ASIC2: variants seen among roughly 807,000 people sequenced by gnomAD.
ASIC2 encodes the protein acid sensing ion channel subunit 2.
A neutral mutation model predicts 57.3 loss-of-function variants in ASIC2; 25 were observed. The ratio of observed to expected loss-of-function variants is 0.44; its 90% CI spans 0.32 to 0.61. ASIC2 has a LOEUF of 0.61. ASIC2 is among the 20% of genes least tolerant of loss of function. The pLI is 0.06. For synonymous variants in ASIC2, 319 were observed against 307.5 expected, an observed-to-expected ratio of 1.04 and a Z score of -0.39; for missense variants, 641 against 738.1, an observed-to-expected ratio of 0.87 and a Z score of 1.52.
At chr17:33,319,507 T>G (rs1906785398) in intron 1 of ASIC2, among the ~76,000 whole-genome samples, 2 of 152,228 alleles carry the variant, frequency 1.3e-5, no homozygotes, top group African/African-American at 4.8e-5. Flanking sequence ...GTTTTAATTT[T>G]TAATTTTTAT....
At chr17:33,233,282 C>T (rs561928355) in intron 1 of ASIC2, among the ~76,000 whole-genome samples, 8 of 151,480 alleles carry the variant, frequency 5.3e-5, no homozygotes, top group African/African-American at 1.9e-4. Flanking sequence ...TGTTGAGGCT[C>T]CACCTAAATC....
intron 1 of ASIC2, among the ~76,000 whole-genome samples, chr17:33,642,466 A>T (rs1906605010): frequency 6.6e-6 from 1 of 152,192 alleles, no homozygotes; most frequent in Non-Finnish European, 1.5e-5. Flanking sequence ...ACTGTTTGTG[A>T]TGTTCCACAG....
At chr17:33,559,661 T>C (rs1482990779) in intron 1 of ASIC2, among the ~76,000 whole-genome samples, 2 of 152,190 alleles carry the variant, frequency 1.3e-5, no homozygotes, top group East Asian at 3.9e-4. Context: ...ATGTATTTTC[T>C]ACTCTGCAGC....
At chr17:33,604,237 G>A (rs936458347) in intron 1 of ASIC2, among the ~76,000 whole-genome samples, 1 of 152,180 alleles carries the variant, frequency 6.6e-6, no homozygotes, top group African/African-American at 2.4e-5. Flanking sequence ...ATCCAGATTG[G>A]CCTGACTCCA....
At chr17:33,523,345 C>G (rs1464405022) in intron 1 of ASIC2, among the ~76,000 whole-genome samples, 2 of 152,178 alleles carry the variant, frequency 1.3e-5, no homozygotes, top group Non-Finnish European at 2.9e-5. Context: ...CAACCTCCTA[C>G]TCCCAGATTT....
intron 1 of ASIC2, among the ~76,000 whole-genome samples, chr17:33,398,848 G>C (rs1458850794): frequency 6.6e-6 from 1 of 152,204 alleles, no homozygotes; most frequent in African/African-American, 2.4e-5. Context: ...GGCAACTCAA[G>C]TCTTATTGTC....
intron 1 of ASIC2, among the ~76,000 whole-genome samples, chr17:34,009,254 G>A (rs987126404): frequency 2.0e-5 from 3 of 152,100 alleles, no homozygotes; most frequent in African/African-American, 7.2e-5. Flanking sequence ...CCTCAGCTCA[G>A]CATCATCTAA....
Position 34,055,535 on chromosome 17 carries a change from G to C in ASIC2, c.555+100443C>G, listed in dbSNP as rs1908734717. On this transcript the variant is annotated intron_variant, in intron 1 of 9. Transcript: ENST00000359872. ...TCATCTTCCCAGAAAGTTCCTTCTT[G>C]TTTCCTCTTAATCAATCCCTACCAA... Among the ~76,000 whole-genome samples, 7 of 152,018 alleles carry C rather than the reference G, an allele frequency of 4.6e-5. No individual in the cohort carries two copies. The South Asian group carries it at 1.5e-3, about 32-fold the overall frequency.
At chr17:33,536,824 T>C (rs2141965412) in intron 1 of ASIC2, among the ~76,000 whole-genome samples, 1 of 152,122 alleles carries the variant, frequency 6.6e-6, no homozygotes, top group South Asian at 2.1e-4. Flanking sequence ...CTGGGCAACA[T>C]GGTAAAACCC....
At chr17:33,591,981 A>G (rs566230458) in intron 1 of ASIC2, among the ~76,000 whole-genome samples, 5 of 152,258 alleles carry the variant, frequency 3.3e-5, no homozygotes, top group African/African-American at 1.2e-4. Context: ...CCTATACCTA[A>G]GAAGGAAAAA....
At chr17:33,594,277 T>TAGAG (rs1425411183) in intron 1 of ASIC2, among the ~76,000 whole-genome samples, 1 of 152,224 alleles carries the variant, frequency 6.6e-6, no homozygotes, top group Non-Finnish European at 1.5e-5. Flanking sequence ...TTCAGAGCTG[T>TAGAG]CTCTGGTTTG....
intron 1 of ASIC2, among the ~76,000 whole-genome samples, chr17:33,134,078 T>C (rs1434545684): frequency 1.3e-5 from 2 of 152,206 alleles, no homozygotes; most frequent in East Asian, 3.9e-4. Flanking sequence ...CTGAGGGTTA[T>C]GGAGAGGCCA....
At chr17:33,939,158 C>T (rs771263701) in intron 1 of ASIC2, among the ~76,000 whole-genome samples, 2 of 152,236 alleles carry the variant, frequency 1.3e-5, no homozygotes, top group Non-Finnish European at 2.9e-5. Flanking sequence ...TTCTCCATAG[C>T]TGTTGTCACA....
In ASIC2 at chr17:33,014,053, G is replaced by A; in HGVS notation, c.1604C>T (p.Thr535Ile). The A allele has an allele frequency of 6.3e-7, 1 of 1,599,554 alleles. No homozygotes were observed. Among genetic ancestry groups the A allele is most frequent in the Non-Finnish European group, 8.5e-7 (1 of 1,172,422 alleles). ...SHDENVSTCD[T>I]MPNHSETISH... The stretch of plus-strand genomic sequence containing the variant: ...GATGGTTTCAGAGTGGTTTGGCATT[G>A]TGTCACAAGTACTCTGGAAGGGAAG... The change falls in exon 10 of 10, where the codon ACA (threonine) becomes ATA (isoleucine). Residue 535 changes from threonine to isoleucine, a missense_variant. By Grantham distance (89) the Thr-to-Ile change is moderately conservative (BLOSUM62 -1). This residue lies in a region of ASIC2 where 252 missense variants were observed against 319.8 expected (regional missense o/e 0.79). Coordinates refer to ENST00000225823, the MANE Select transcript of ASIC2 (RefSeq NM_183377.2).
At chr17:33,167,085 C>T (rs1055136108) in intron 1 of ASIC2, among the ~76,000 whole-genome samples, 4 of 152,198 alleles carry the variant, frequency 2.6e-5, no homozygotes, top group African/African-American at 9.7e-5. Context: ...ACAGTAGGTA[C>T]ACACTGACTG....
chr17:34,131,540 C>G (rs1022279540), intron 1 of ASIC2, among the ~76,000 whole-genome samples: 2 of 152,198 alleles, frequency 1.3e-5, no homozygotes, highest in Non-Finnish European at 1.5e-5. Flanking sequence ...CCTCCAGGAC[C>G]TGAGCAAAGC....
intron 1 of ASIC2, among the ~76,000 whole-genome samples, chr17:33,333,913 C>T (rs886238094): frequency 1.2e-4 from 19 of 152,210 alleles, no homozygotes; most frequent in African/African-American, 4.1e-4. Flanking sequence ...TGGACTGGGG[C>T]TGCTCCTTAA....
intron 1 of ASIC2, among the ~76,000 whole-genome samples, chr17:33,942,121 G>T (rs1045879430): frequency 3.3e-5 from 5 of 152,154 alleles, no homozygotes; most frequent in African/African-American, 9.7e-5. Flanking sequence ...ACAGATGAGA[G>T]GTCGCCAGTT....
At chr17:33,374,645 A>G (rs530869209) in intron 1 of ASIC2, among the ~76,000 whole-genome samples, 28 of 152,346 alleles carry the variant, frequency 1.8e-4, no homozygotes, top group African/African-American at 6.5e-4. Context: ...AGTGGCAGGA[A>G]GAACCCAACA....
Sources: gnomAD v4.1 joint callset for allele counts (sites outside exome capture counted in the v4.1 genomes callset) on GRCh38, gnomAD v4.1.1 for gene constraint, gnomAD v4.1.1 regional missense constraint, MANE v1.5 for transcripts, NCBI Gene and HGNC (gene_info 2026-07-23, HGNC 2026-07-21) for gene names.